The following MID1 variants were observed in gnomAD, a reference collection of about 807,000 sequenced individuals.
MID1 encodes the protein midline 1.
A neutral mutation model predicts 40.4 loss-of-function variants in MID1; 7 were observed. That is an observed-to-expected ratio of 0.17 (90% CI 0.10 to 0.33). The LOEUF is 0.33. Among genes scored for constraint, MID1 ranks in the 10% least tolerant of loss-of-function variants. The pLI is 1.00. For missense variants in MID1, 367 were observed against 558.5 expected (o/e 0.66, Z 3.46); for synonymous variants, 229 against 221.2 (o/e 1.04, Z -0.31).
At chrX:10,473,630 A>C (rs1044057659) in intron 6 of MID1, among the ~76,000 whole-genome samples, 1 of 112,458 alleles carries the variant, frequency 8.9e-6, no homozygotes, top group Non-Finnish European at 1.9e-5. Flanking sequence ...ATGTACACAC[A>C]GAATTGGAAT....
chrX:10,468,810 T>C (rs1910458760), intron 7 of MID1, among the ~76,000 whole-genome samples: 1 of 112,245 alleles, frequency 8.9e-6, no homozygotes, highest in Admixed American at 9.4e-5. Context: ...GGCCAGTTAC[T>C]AACATTTTAA....
Position 10,449,567 on chromosome X carries a change from C to T in MID1, c.1805G>A (p.Arg602Gln), listed in dbSNP as rs758507303. 1.9e-5 allele frequency: 23 copies of T among 1,211,573 alleles called. No homozygotes were observed. The highest frequency in any genetic ancestry group is 2.2e-5 in the Non-Finnish European group (20 of 895,389). The change falls in exon 10 of 10, where the codon CGG becomes CAG. Residue 602 changes from arginine to glutamine, a missense_variant. Physicochemically the swap from Arg to Gln is conservative, Grantham distance 43. Transcript: ENST00000317552. Reference protein sequence around the residue: ...EIPIEPAPHLRRVGILLDYDN... With the variant: ...EIPIEPAPHLQRVGILLDYDN... ...ATAGTCCAGCAGGATGCCCACGCGC[C>T]GGAGGTGGGGGGCAGGCTCAATGGG...
rs1316980537 is a variant in MID1, at chrX:10,524,944, G to A, written c.661-1757C>T. Among the ~76,000 whole-genome samples, 5 of 111,981 alleles carry A rather than the reference G, an allele frequency of 4.5e-5. No individual in the cohort carries two copies. In the Middle Eastern group the frequency reaches 0.014, roughly 308 times the overall value. On this transcript the variant is annotated intron_variant, in intron 2 of 9. Transcript: ENST00000317552. Reference sequence around the variant, plus strand: ...GAGAGGTTGAGAGGGCAAAAGATTAGGGAAACTGTGTTTTAGCATATAGAC... The same window carrying A: ...GAGAGGTTGAGAGGGCAAAAGATTAAGGAAACTGTGTTTTAGCATATAGAC...
In MID1 at chrX:10,645,159, C is replaced by T. The variant is rs751571439; in HGVS notation, c.-186-24740G>A. ...CACCAGCATGCTTTGTGTCCTGGGG[C>T]AACCTATGTAACTTCTCAGGGTCTC... On this transcript the variant is annotated intron_variant, in intron 1 of 10. Coordinates refer to the MID1 transcript ENST00000380785. Among the ~76,000 whole-genome samples, 10 of 111,560 alleles carry T rather than the reference C, an allele frequency of 9.0e-5. No homozygotes were observed. The South Asian group carries it at 3.8e-3, about 42-fold the overall frequency.
At chrX:10,714,744 C>G (rs769594112) in intron 1 of MID1, among the ~76,000 whole-genome samples, 1 of 111,780 alleles carries the variant, frequency 8.9e-6, no homozygotes, top group East Asian at 2.8e-4. Context: ...AATGAAGCAA[C>G]GTCTGGTAGG....
chrX:10,727,543 AT>A (rs1228861187), intron 1 of MID1, among the ~76,000 whole-genome samples: 20 of 112,012 alleles, frequency 1.8e-4, no homozygotes, highest in African/African-American at 6.2e-4. Flanking sequence ...GAACTTCGCA[AT>A]TTTTTTTCAA....
chrX:10,575,211 T>C (rs1280572680), intron 1 of MID1, among the ~76,000 whole-genome samples: 1 of 111,985 alleles, frequency 8.9e-6, no homozygotes, highest in African/African-American at 3.3e-5. Flanking sequence ...GCTGTTTGGA[T>C]TTTTGCTATG....
At chrX:10,593,569 G>A (rs1044689882) in intron 1 of MID1, among the ~76,000 whole-genome samples, 2 of 111,524 alleles carry the variant, frequency 1.8e-5, no homozygotes, top group African/African-American at 6.5e-5. Context: ...CTTTGATGAA[G>A]GTTATTGTAG....
chrX:10,650,997 T>C (rs1936311097), intron 1 of MID1, among the ~76,000 whole-genome samples: 1 of 111,669 alleles, frequency 9.0e-6, no homozygotes, highest in African/African-American at 3.3e-5. Flanking sequence ...GGTAAGTGAA[T>C]CTAGCTGCAC....
chrX:10,636,784 GGATATATATATATATA>G (rs1298687526), intron 1 of MID1, among the ~76,000 whole-genome samples: 2 of 12,157 alleles, frequency 1.6e-4, no homozygotes, highest in Admixed American at 1.2e-3. Flanking sequence ...CCAACAATGG[GGATATATATATATATA>G]TATATATATA....
intron 1 of MID1, among the ~76,000 whole-genome samples, chrX:10,810,749 T>C (rs941225063): frequency 3.7e-5 from 4 of 109,510 alleles, no homozygotes; most frequent in African/African-American, 1.0e-4. Flanking sequence ...TGCCATTGGG[T>C]GTGAAGTGGT....
chrX:10,786,950 C>G (rs1389007437), intron 1 of MID1, among the ~76,000 whole-genome samples: 1 of 108,513 alleles, frequency 9.2e-6, no homozygotes, highest in Non-Finnish European at 1.9e-5. Flanking sequence ...ACGTTGTGCA[C>G]ATGTACCCTA....
intron 1 of MID1, among the ~76,000 whole-genome samples, chrX:10,808,758 C>T (rs1481459553): frequency 5.4e-5 from 6 of 111,638 alleles, no homozygotes; most frequent in African/African-American, 1.3e-4. Context: ...CTTCCTTACA[C>T]CTTATACAAA....
chrX:10,560,973 G>A (rs145971511), intron 2 of MID1, among the ~76,000 whole-genome samples: 1,537 of 105,140 alleles, frequency 0.015, 193 homozygotes, highest in African/African-American at 0.047. Flanking sequence ...CAAACTATAC[G>A]AGGCTACAGT....
intron 5 of MID1, among the ~76,000 whole-genome samples, chrX:10,481,013 T>C (rs139221323): frequency 0.033 from 3,716 of 112,029 alleles, 173 homozygotes; most frequent in African/African-American, 0.11. Flanking sequence ...AGTCATAAGA[T>C]GGCGAGTATT....
At chrX:10,685,168 C>A (rs1290613596) in intron 1 of MID1, among the ~76,000 whole-genome samples, 1 of 111,658 alleles carries the variant, frequency 9.0e-6, no homozygotes, top group African/African-American at 3.3e-5. Flanking sequence ...ATGTAAATTC[C>A]CATTTCAATG....
At chrX:10,487,368 G>A (rs1930674226) in intron 4 of MID1, among the ~76,000 whole-genome samples, 1 of 111,628 alleles carries the variant, frequency 9.0e-6, no homozygotes, top group Non-Finnish European at 1.9e-5. Flanking sequence ...ACTTTCTTCT[G>A]TTTTTGTGAT....
chrX:10,781,236 T>C (rs1426631166), intron 1 of MID1, among the ~76,000 whole-genome samples: 3 of 112,097 alleles, frequency 2.7e-5, no homozygotes, highest in African/African-American at 9.7e-5. Context: ...CTTTCCACTT[T>C]TAAAAAAGTG....
At chrX:10,770,813 T>G (rs1437277275) in intron 1 of MID1, among the ~76,000 whole-genome samples, 1 of 112,089 alleles carries the variant, frequency 8.9e-6, no homozygotes, top group Non-Finnish European at 1.9e-5. Flanking sequence ...TTAAGATTCT[T>G]TTTATACTTG....
Sources: allele counts gnomAD v4.1 joint callset (sites outside exome capture counted in the v4.1 genomes callset), GRCh38; gene constraint gnomAD v4.1.1; transcripts MANE v1.5; gene names NCBI Gene and HGNC (gene_info 2026-07-23, HGNC 2026-07-21).